RBM27: variants seen among roughly 807,000 people sequenced by gnomAD.
RBM27 encodes RNA binding motif protein 27, also known as RNA-binding protein 27.
A neutral mutation model predicts 135.3 loss-of-function variants in RBM27; 22 were observed. The ratio of observed to expected loss-of-function variants is 0.16; its 90% CI spans 0.12 to 0.23. The LOEUF (loss-of-function observed/expected upper bound fraction) is 0.23, where lower values mean the gene tolerates loss of function less well. Among genes scored for constraint, RBM27 ranks in the 10% least tolerant of loss-of-function variants. The pLI, the probability that RBM27 is intolerant of heterozygous loss-of-function variation, is 1.00. For missense variants in RBM27, 1,009 were observed against 1,281.0 expected, an observed-to-expected ratio of 0.79 and a Z score of 3.24; for synonymous variants, 481 against 442.4, an observed-to-expected ratio of 1.09 and a Z score of -1.10.
chr5:146,258,302 A>G (rs1023832291), intron 10 of RBM27, 147 bp from the exon 11 acceptor site: 7 of 528,378 alleles, frequency 1.3e-5, no homozygotes, highest in African/African-American at 2.0e-5. Flanking sequence ...AGAAAAAGGC[A>G]TTTGTAACTT....
Position 146,260,732 on chromosome 5 carries a change from A to G in RBM27, c.1740-13A>G, listed in dbSNP as rs2126851098. The G allele has an allele frequency of 6.3e-7, 1 of 1,590,942 alleles. No individual in the cohort carries two copies. Among genetic ancestry groups the G allele is most frequent in the Non-Finnish European group, 8.5e-7 (1 of 1,169,768 alleles). On this transcript the variant is annotated splice_polypyrimidine_tract_variant and intron_variant, in intron 11 of 20. Transcript: ENST00000265271. ...TAGGAGAATTAACCAAGATGTATTA[A>G]TCTTCCTTTTAGGCAAGGAAATAAC...
intron 19 of RBM27, among the ~76,000 whole-genome samples, chr5:146,283,234 A>G (rs1759439005): frequency 6.6e-6 from 1 of 152,194 alleles, no homozygotes; most frequent in African/African-American, 2.4e-5. Context: ...TACATTACCT[A>G]ATTTTTAAAA....
chr5:146,238,606 A>G (rs1757268512), intron 8 of RBM27, among the ~76,000 whole-genome samples: 2 of 152,080 alleles, frequency 1.3e-5, no homozygotes, highest in Non-Finnish European at 2.9e-5. Flanking sequence ...TACTTCCTTC[A>G]AAAACATTTT....
Position 146,233,613 on chromosome 5 carries a change from T to TACAGGC in RBM27, c.1014_1015insACAGGC (p.Gly338_Pro339insThrGly). 6.2e-7 allele frequency: 1 copy of TACAGGC among 1,602,446 alleles called. No individual in the cohort carries two copies. The highest frequency in any genetic ancestry group is 8.5e-7 in the Non-Finnish European group (1 of 1,172,678). On this transcript the variant is annotated inframe_insertion, in exon 7 of 21. Coordinates refer to ENST00000265271, the MANE Select transcript of RBM27 (RefSeq NM_018989.2). ...GAATGTTAATGCCTCCAATGCCAGG[T>TACAGGC]CCAGGCCCAGGCCCGGGCCCAGGTC...
chr5:146,229,757 T>A lies in RBM27; in HGVS notation c.436T>A (p.Tyr146Asn), dbSNP rs779761495. Reference sequence around the variant, plus strand: ...AAGAGAAGACGGGAAATGGAGAGACTATGACCGGTACTATGAGCGGAATGA... The same window carrying A: ...AAGAGAAGACGGGAAATGGAGAGACAATGACCGGTACTATGAGCGGAATGA... ...KKREDGKWRD[Y>N]DRYYERNELY... is the part of the protein sequence containing the mutation. Residue 146 changes from tyrosine to asparagine, a missense_variant, in exon 5 of 21, where the codon TAT (tyrosine) becomes AAT (asparagine). By Grantham distance (143) the Tyr-to-Asn change is moderately radical. Transcript: ENST00000265271. 6.2e-7 allele frequency: 1 copy of A among 1,612,208 alleles called. No individual in the cohort carries two copies.
At chr5:146,242,760 AT>A (rs879862737) in intron 8 of RBM27, among the ~76,000 whole-genome samples, 1 of 150,536 alleles carries the variant, frequency 6.6e-6, no homozygotes. Context: ...AGCCCGGCTA[AT>A]TTTTTTTTGT....
intron 1 of RBM27, among the ~76,000 whole-genome samples, chr5:146,217,525 A>G (rs925175015): frequency 2.8e-4 from 33 of 118,078 alleles, no homozygotes; most frequent in Non-Finnish European, 4.4e-4. Context: ...CCTAGGCTGG[A>G]CTGCAGTGGC....
chr5:146,256,279 A>ATATATATATATTTTATATATATATTATT (rs1561552330), intron 10 of RBM27, among the ~76,000 whole-genome samples: 11 of 146,806 alleles, frequency 7.5e-5, no homozygotes, highest in East Asian at 3.9e-4. Context: ...ATGCCTTCTC[A>ATATATATATATTTTATATATATATTATT]TATATATATA....
chr5:146,271,122 C>T lies in RBM27; in HGVS notation c.2796+64C>T, dbSNP rs901376633. The T allele has an allele frequency of 3.0e-5, 38 of 1,266,294 alleles. No homozygotes were observed. The African/African-American group carries it at 3.8e-4, about 13-fold the overall frequency. The allele number at this position is 1,266,294 out of a possible 1,614,324, so 78.4% of individuals were successfully genotyped here. ...CGTCTCAAAAAAGTTTTCCTTTGAC[C>T]GGGCGCGGTGGCTCACGCCTGTAAT... On this transcript the variant is annotated intron_variant, in intron 18 of 20. Transcript: ENST00000265271.
In RBM27 at chr5:146,243,165, C is replaced by T. The variant is rs2126793841; in HGVS notation, c.1279+5733C>T. Among the ~76,000 whole-genome samples, 3 of 152,124 alleles carry T rather than the reference C, an allele frequency of 2.0e-5. No homozygotes were observed. The Middle Eastern group carries it at 0.01, about 517-fold the overall frequency. On this transcript the variant is annotated intron_variant, in intron 8 of 20. Coordinates refer to ENST00000265271, the MANE Select transcript of RBM27 (RefSeq NM_018989.2). ...CCTGTAATCCCAGCTACTCAGGAGGCTGAGGCCAGAGAATCACTTGAGCCT... is the reference window on the plus strand; with the variant it reads ...CCTGTAATCCCAGCTACTCAGGAGGTTGAGGCCAGAGAATCACTTGAGCCT...
At chr5:146,220,550 C>T (rs1461036013) in intron 2 of RBM27, among the ~76,000 whole-genome samples, 1 of 149,512 alleles carries the variant, frequency 6.7e-6, no homozygotes, top group African/African-American at 2.5e-5. Flanking sequence ...GTGAATAATA[C>T]ACATTTATCA....
chr5:146,253,782 G>T (rs1355757924), intron 9 of RBM27, among the ~76,000 whole-genome samples: 2 of 152,090 alleles, frequency 1.3e-5, no homozygotes, highest in African/African-American at 4.8e-5. Context: ...GAGTATTGGG[G>T]GTGAGACGTT....
At chr5:146,254,519 C>T (rs1279113889) in intron 9 of RBM27, among the ~76,000 whole-genome samples, 3 of 149,200 alleles carry the variant, frequency 2.0e-5, no homozygotes, top group African/African-American at 2.5e-5. Context: ...GGTTCCACAT[C>T]TGCAGATTCA....
chr5:146,242,874 A>G (rs13169390), intron 8 of RBM27, among the ~76,000 whole-genome samples: 31,860 of 152,056 alleles, frequency 0.21, 4,246 homozygotes, highest in Admixed American at 0.33. Flanking sequence ...CTGTGATTAC[A>G]GGTGTGAGCC....
intron 7 of RBM27, among the ~76,000 whole-genome samples, chr5:146,233,966 C>T (rs547241923): frequency 1.3e-4 from 20 of 152,164 alleles, no homozygotes; most frequent in African/African-American, 4.3e-4. Flanking sequence ...GTGGCCTAAC[C>T]TATATTGACC....
Position 146,233,713 on chromosome 5 carries a change from C to T in RBM27, c.1114C>T (p.Pro372Ser), listed in dbSNP as rs1360968453. 1 of 1,465,092 alleles carries T rather than the reference C, an allele frequency of 6.8e-7. No homozygotes were observed. Among genetic ancestry groups the T allele is most frequent in the South Asian group, 1.5e-5 (1 of 64,990 alleles). 90.8% of individuals were successfully genotyped at this position (1,465,092 alleles called of 1,614,324 possible). Residue 372 changes from proline (P) to serine (S), a missense_variant, in exon 7 of 21, where the codon CCT becomes TCT. Pro to Ser is a moderately conservative substitution (Grantham distance 74, BLOSUM62 -1). Around this residue, in one of 6 missense-constraint regions of RBM27, gnomAD observed 329 missense variants for 368.1 expected, o/e 0.89. Coordinates refer to ENST00000265271, the MANE Select transcript of RBM27 (RefSeq NM_018989.2). The part of the protein sequence containing the change: ...RLPVPQGHGQ[P>S]PPSVVLPIPR... ...TCCTGTTCCCCAAGGACATGGTCAG[C>T]CTCCACCATCCGTTGTGCTTCCCAT...
In RBM27 at chr5:146,254,943, A is replaced by T; in HGVS notation, c.1445A>T (p.Asp482Val). Residue 482 changes from aspartate (D) to valine (V), a missense_variant and splice_region_variant, in exon 10 of 21, where the codon GAT (aspartate) becomes GTT (valine). By Grantham distance (152) the Asp-to-Val change is radical. Transcript: ENST00000265271. ...SVSSPTPLVP[D>V]TYEPDGYNPE... ...GTTTTGTTGCTTTGTTTTCCCTCAGATACATATGAACCAGATGGTTACAAC... is the reference window on the plus strand; with the variant it reads ...GTTTTGTTGCTTTGTTTTCCCTCAGTTACATATGAACCAGATGGTTACAAC... 6.4e-7 allele frequency: 1 copy of T among 1,567,734 alleles called. No individual in the cohort carries two copies. Among genetic ancestry groups the T allele is most frequent in the Non-Finnish European group, 8.7e-7 (1 of 1,150,430 alleles).
At chr5:146,211,746 G>A (rs535739548) in intron 1 of RBM27, among the ~76,000 whole-genome samples, 1 of 152,016 alleles carries the variant, frequency 6.6e-6, no homozygotes, top group Non-Finnish European at 1.5e-5. Context: ...ACAGGTGTGA[G>A]CCGTCAGGCC....
chr5:146,237,804 C>T (rs543472747), intron 8 of RBM27, among the ~76,000 whole-genome samples: 29 of 152,298 alleles, frequency 1.9e-4, no homozygotes, highest in African/African-American at 7.0e-4. Flanking sequence ...TCTCTTGCCT[C>T]AGCCTCCCAA....
Sources: gnomAD v4.1 joint callset for allele counts (sites outside exome capture counted in the v4.1 genomes callset) on GRCh38, gnomAD v4.1.1 for gene constraint, gnomAD v4.1.1 regional missense constraint, MANE v1.5 for transcripts, NCBI Gene and HGNC (gene_info 2026-07-23, HGNC 2026-07-21) for gene names.